Variants in ADARB2 observed in about 807,000 individuals in gnomAD.
ADARB2 encodes inactive double-stranded RNA-specific editase B2.
Under a neutral mutation model 62.2 loss-of-function variants are expected in ADARB2, and 25 were observed. That is an observed-to-expected ratio of 0.40 (90% CI 0.29 to 0.56). The LOEUF is 0.56. ADARB2 is among the 20% of genes least tolerant of loss of function. The pLI, the probability that ADARB2 is intolerant of heterozygous loss-of-function variation, is 0.43. For synonymous variants in ADARB2, 572 were observed against 500.8 expected, an observed-to-expected ratio of 1.14 and a Z score of -1.90; for missense variants, 1,071 against 1,077.4, an observed-to-expected ratio of 0.99 and a Z score of 0.08.
chr10:1,736,872 A>G (rs1318724988), intron 1 of ADARB2, among the ~76,000 whole-genome samples, 179 bp downstream of exon 1: 1 of 152,170 alleles, frequency 6.6e-6, no homozygotes, highest in Non-Finnish European at 1.5e-5. Context: ...GGGCAAGAGG[A>G]GGCCCCAGAC....
chr10:1,450,422 C>G (rs1239040873), intron 1 of ADARB2, among the ~76,000 whole-genome samples: 1 of 152,220 alleles, frequency 6.6e-6, no homozygotes, highest in South Asian at 2.1e-4. Context: ...GCCCCTGCCT[C>G]CCACTCTCGT....
chr10:1,642,663 A>G (rs1258389909), intron 1 of ADARB2, among the ~76,000 whole-genome samples: 1 of 152,144 alleles, frequency 6.6e-6, no homozygotes, highest in Non-Finnish European at 1.5e-5. Flanking sequence ...AAAATAGCGA[A>G]TTAGCTCAAG....
In ADARB2 at chr10:1,263,171, A is replaced by G. The variant is rs1831160186; in HGVS notation, c.1192+7784T>C. Among the ~76,000 whole-genome samples, 6 of 151,520 alleles carry G rather than the reference A, an allele frequency of 4.0e-5. No individual in the cohort carries two copies. The South Asian group carries it at 1.1e-3, about 27-fold the overall frequency. ...GGGGAGGGATAGCATTAGGAGATAT[A>G]CCTAATGCTAAATGATGAGTTACTG... On this transcript the variant is annotated intron_variant, in intron 4 of 9. Transcript: ENST00000381312.
intron 1 of ADARB2, among the ~76,000 whole-genome samples, chr10:1,457,299 G>A (rs1009341606): frequency 3.3e-5 from 5 of 152,196 alleles, no homozygotes; most frequent in Admixed American, 2.0e-4. Flanking sequence ...CGACCATTGA[G>A]ACACACCAGT....
At chr10:1,543,177 T>G (rs1273685710) in intron 1 of ADARB2, among the ~76,000 whole-genome samples, 1 of 152,174 alleles carries the variant, frequency 6.6e-6, no homozygotes, top group African/African-American at 2.4e-5. Flanking sequence ...ATGGCGGCGT[T>G]GAGAGCCAGA....
intron 1 of ADARB2, among the ~76,000 whole-genome samples, chr10:1,641,991 C>T (rs1346471388): frequency 1.3e-5 from 2 of 149,814 alleles, no homozygotes; most frequent in South Asian, 2.1e-4. Flanking sequence ...CCAGCCTGGG[C>T]TACAGAGCGA....
At chr10:1,318,599 G>A (rs546845964) in intron 3 of ADARB2, among the ~76,000 whole-genome samples, 10 of 106,002 alleles carry the variant, frequency 9.4e-5, no homozygotes, top group African/African-American at 3.4e-4. Flanking sequence ...TCTGGGCACT[G>A]CTGTCCTCGT....
At position 1,697,652 on chromosome 10, in the gene ADARB2, G is replaced by A. The variant is rs575308984; in HGVS notation, c.100+39399C>T. Among the ~76,000 whole-genome samples the A allele has an allele frequency of 2.2e-4, 33 of 152,306 alleles. No homozygotes were observed. The South Asian group carries it at 3.9e-3, about 18-fold the overall frequency. ...CATCCTGAACCCCAGACAAGGGTGG[G>A]TGGGAAGAGAAACCCCACAGGCTCC... On this transcript the variant is annotated intron_variant, in intron 1 of 9. Coordinates refer to ENST00000381312, the MANE Select transcript of ADARB2 (RefSeq NM_018702.4).
intron 3 of ADARB2, among the ~76,000 whole-genome samples, chr10:1,335,740 G>C (rs1043437307): frequency 6.6e-6 from 1 of 152,166 alleles, no homozygotes; most frequent in Non-Finnish European, 1.5e-5. Flanking sequence ...GAAATACTCT[G>C]TCACTTTTCT....
intron 2 of ADARB2, among the ~76,000 whole-genome samples, chr10:1,377,941 C>G (rs1223505638): frequency 2.0e-5 from 3 of 152,196 alleles, no homozygotes; most frequent in Non-Finnish European, 4.4e-5. Context: ...ACACGGCTCC[C>G]CTTGCAGACC....
chr10:1,332,428 AAAAT>A (rs1439034403), intron 3 of ADARB2, among the ~76,000 whole-genome samples: 1 of 146,336 alleles, frequency 6.8e-6, no homozygotes, highest in African/African-American at 2.5e-5. Context: ...AAAAAAAAAA[AAAAT>A]AAATAAAAAA....
rs544657990 is a variant in ADARB2, at chr10:1,432,874, A to C, written c.101-53714T>G. Among the ~76,000 whole-genome samples, 6 of 152,256 alleles carry C rather than the reference A, an allele frequency of 3.9e-5. No homozygotes were observed. In the East Asian group the frequency reaches 1.2e-3, roughly 29 times the overall value. ...CCCAAGGGCAAGGGTGGTTCTGCTC[A>C]GCTGGAAGCCAGAATCTCGCACAGC... On this transcript the variant is annotated intron_variant, in intron 1 of 9. Coordinates refer to ENST00000381312, the MANE Select transcript of ADARB2 (RefSeq NM_018702.4).
chr10:1,303,185 G>T (rs1831591938), intron 3 of ADARB2, among the ~76,000 whole-genome samples: 1 of 152,114 alleles, frequency 6.6e-6, no homozygotes, highest in Non-Finnish European at 1.5e-5. Flanking sequence ...GTGCTTAAAG[G>T]AGCTGATAGA....
chr10:1,382,450 T>G (rs899181904), intron 1 of ADARB2, among the ~76,000 whole-genome samples: 1 of 152,190 alleles, frequency 6.6e-6, no homozygotes, highest in African/African-American at 2.4e-5. Flanking sequence ...GACCGCATCT[T>G]TAGAGTGTTC....
At chr10:1,348,807 AC>A (rs1235200062) in intron 3 of ADARB2, among the ~76,000 whole-genome samples, 1 of 152,014 alleles carries the variant, frequency 6.6e-6, no homozygotes, top group African/African-American at 2.4e-5. Context: ...GTGCCCATGC[AC>A]CCCAGGGCTG....
At chr10:1,476,136 G>A (rs1831396994) in intron 1 of ADARB2, among the ~76,000 whole-genome samples, 2 of 152,216 alleles carry the variant, frequency 1.3e-5, no homozygotes, top group Non-Finnish European at 1.5e-5. Flanking sequence ...GAGAGAAGGA[G>A]AAGGAGAGAA....
intron 1 of ADARB2, among the ~76,000 whole-genome samples, chr10:1,466,070 G>T (rs1831251770): frequency 6.6e-6 from 1 of 152,250 alleles, no homozygotes; most frequent in South Asian, 2.1e-4. Context: ...AATGGGAGCA[G>T]CTAAACACGA....
intron 3 of ADARB2, 127 bp downstream of exon 3, chr10:1,362,901 C>A: frequency 1.1e-6 from 1 of 936,004 alleles, no homozygotes; most frequent in Admixed American, 4.3e-5. Context: ...GACATTCTTT[C>A]CCCTCCCGCT....
chr10:1,590,944 G>A (rs1833244220), intron 1 of ADARB2, among the ~76,000 whole-genome samples: 1 of 152,226 alleles, frequency 6.6e-6, no homozygotes, highest in Admixed American at 6.5e-5. Context: ...TGAGGCCACA[G>A]GCGTGCTACT....
Sources: allele counts gnomAD v4.1 joint callset (sites outside exome capture counted in the v4.1 genomes callset), GRCh38; gene constraint gnomAD v4.1.1; transcripts MANE v1.5; gene names NCBI Gene and HGNC (gene_info 2026-07-23, HGNC 2026-07-21).